Variants in SPATS2L observed in about 807,000 individuals in gnomAD.
SPATS2L encodes SPATS2-like protein.
In SPATS2L, 30 loss-of-function variants were observed where a neutral mutation model predicts 59.6. The observed-to-expected ratio is 0.50, with a 90% CI of 0.38 to 0.68. The LOEUF (loss-of-function observed/expected upper bound fraction) is 0.68, where lower values mean the gene tolerates loss of function less well. Ranked by LOEUF, SPATS2L falls within the 30% of genes least tolerant of loss-of-function variation. The pLI is 0.00. For synonymous variants in SPATS2L, 252 were observed against 263.5 expected (o/e 0.96, Z 0.42); for missense variants, 615 against 700.0 (o/e 0.88, Z 1.37).
intron 5 of SPATS2L, among the ~76,000 whole-genome samples, chr2:200,417,028 C>T (rs2083090645): frequency 6.6e-6 from 1 of 152,146 alleles, no homozygotes; most frequent in African/African-American, 2.4e-5. Context: ...GCTTTCTTGT[C>T]GAGTCACAAA....
intron 8 of SPATS2L, among the ~76,000 whole-genome samples, chr2:200,453,770 A>G (rs990474568): frequency 2.6e-5 from 4 of 152,186 alleles, no homozygotes; most frequent in Admixed American, 6.5e-5. Flanking sequence ...CCCACAGTGG[A>G]GGGAGATGTT....
At chr2:200,454,684 A>T (rs1007938777) in intron 8 of SPATS2L, among the ~76,000 whole-genome samples, 12 of 152,244 alleles carry the variant, frequency 7.9e-5, no homozygotes, top group Non-Finnish European at 4.4e-5. Context: ...CTATCCAGGC[A>T]GTTTGGCTAA....
In SPATS2L at chr2:200,377,322, A is replaced by G. The variant is rs571625488; in HGVS notation, c.-22-11901A>G. On this transcript the variant is annotated intron_variant, in intron 2 of 12. Coordinates refer to ENST00000409140, the MANE Select transcript of SPATS2L (RefSeq NM_001100423.2). Reference sequence around the variant, plus strand: ...GAACATAAGGAAGAATCTGTATTGCAGAAAATAGGCAGTGTTTACTCTGCG... The same window carrying G: ...GAACATAAGGAAGAATCTGTATTGCGGAAAATAGGCAGTGTTTACTCTGCG... Among the ~76,000 whole-genome samples the G allele has an allele frequency of 1.6e-4, 24 of 152,324 alleles. 1 individual carries two copies. The highest frequency in any genetic ancestry group is 6.8e-3 in the Middle Eastern group (2 of 294).
chr2:200,314,558 G>A (rs2079301811), intron 1 of SPATS2L, among the ~76,000 whole-genome samples: 1 of 152,168 alleles, frequency 6.6e-6, no homozygotes, highest in Non-Finnish European at 1.5e-5. Context: ...TAAAATGTAA[G>A]CTCCCTGGCA....
intron 2 of SPATS2L, among the ~76,000 whole-genome samples, chr2:200,359,147 T>C (rs1408217626): frequency 5.3e-5 from 8 of 152,246 alleles, no homozygotes; most frequent in Admixed American, 5.2e-4. Flanking sequence ...TAGGGTTGTT[T>C]AGTTTTTAAA....
At chr2:200,464,833 T>C (rs527983362) in intron 9 of SPATS2L, among the ~76,000 whole-genome samples, 2 of 152,240 alleles carry the variant, frequency 1.3e-5, no homozygotes, top group Non-Finnish European at 2.9e-5. Flanking sequence ...TCATTTCATC[T>C]TCCTACTTGA....
intron 2 of SPATS2L, chr2:200,351,080 G>A: frequency 2.7e-6 from 1 of 363,978 alleles, no homozygotes; most frequent in East Asian, 7.3e-5. Context: ...TAACCTCACA[G>A]CATGGTTCAC....
At chr2:200,307,713 C>A (rs1050161438) in intron 1 of SPATS2L, among the ~76,000 whole-genome samples, 1 of 152,228 alleles carries the variant, frequency 6.6e-6, no homozygotes, top group Non-Finnish European at 1.5e-5. Context: ...TCTTCACCTG[C>A]GCGGGGATGC....
At chr2:200,311,811 C>G (rs2079200128) in intron 1 of SPATS2L, among the ~76,000 whole-genome samples, 1 of 152,092 alleles carries the variant, frequency 6.6e-6, no homozygotes, top group Non-Finnish European at 1.5e-5. Context: ...TCTAGCAGAG[C>G]TCAGAAGGGA....
chr2:200,469,813 C>G, intron 10 of SPATS2L, 101 bp from the exon 11 acceptor site: 1 of 844,510 alleles, frequency 1.2e-6, no homozygotes, highest in Non-Finnish European at 1.9e-6. Context: ...ACCAGGTCAG[C>G]ACTGCAGTGG....
At chr2:200,311,091 G>A (rs1355396437) in intron 1 of SPATS2L, among the ~76,000 whole-genome samples, 3 of 152,186 alleles carry the variant, frequency 2.0e-5, no homozygotes, top group Non-Finnish European at 4.4e-5. Flanking sequence ...ATGAATAAAT[G>A]TAAGGATGAT....
At chr2:200,331,610 T>G (rs974119491) in intron 2 of SPATS2L, among the ~76,000 whole-genome samples, 1 of 152,068 alleles carries the variant, frequency 6.6e-6, no homozygotes, top group Admixed American at 6.6e-5. Context: ...CCTCAGCTAC[T>G]TAACAGCAGT....
At chr2:200,382,563 A>G (rs942299582) in intron 2 of SPATS2L, among the ~76,000 whole-genome samples, 11 of 152,144 alleles carry the variant, frequency 7.2e-5, no homozygotes, top group African/African-American at 2.7e-4. Flanking sequence ...TTTCATAGAC[A>G]GTGAGCCCTG....
At chr2:200,310,496 A>G (rs2079158244) in intron 1 of SPATS2L, among the ~76,000 whole-genome samples, 1 of 152,138 alleles carries the variant, frequency 6.6e-6, no homozygotes, top group Admixed American at 6.5e-5. Context: ...GTCTCTCTGT[A>G]ATTGAGTTTT....
chr2:200,406,256 T>C (rs1320844793), intron 3 of SPATS2L, among the ~76,000 whole-genome samples: 2 of 152,188 alleles, frequency 1.3e-5, no homozygotes, highest in Non-Finnish European at 2.9e-5. Flanking sequence ...TACATTCTAA[T>C]GGGACTTATA....
intron 6 of SPATS2L, among the ~76,000 whole-genome samples, chr2:200,430,082 A>T (rs969357241): frequency 6.6e-6 from 1 of 152,082 alleles, no homozygotes; most frequent in East Asian, 1.9e-4. Context: ...CACAGTTGCA[A>T]TCTTTCATTT....
intron 3 of SPATS2L, among the ~76,000 whole-genome samples, chr2:200,392,673 A>G (rs2082207332): frequency 6.6e-6 from 1 of 152,176 alleles, no homozygotes; most frequent in South Asian, 2.1e-4. Context: ...ATCCACAGAT[A>G]TGGAACCTGT....
chr2:200,419,255 TA>T lies in SPATS2L; in HGVS notation c.208del (p.Arg70GlufsTer39). ...WNMTGKKKNN[K>X]RKRSKSKQHQ... ...TCATTTGTTTCTCATTCTAGAACAA[TA>T]AAAGAAAAAGAAGCAAGTCCAAGCA... On this transcript the variant is annotated frameshift_variant, in exon 6 of 13. Transcript: ENST00000409140. LOFTEE classifies it high-confidence loss of function. 1 of 1,569,086 alleles carries T rather than the reference TA, an allele frequency of 6.4e-7. No individual in the cohort carries two copies.
At chr2:200,414,633 A>G (rs1271356023) in intron 4 of SPATS2L, among the ~76,000 whole-genome samples, 3 of 152,126 alleles carry the variant, frequency 2.0e-5, no homozygotes, top group African/African-American at 7.2e-5. Flanking sequence ...CCGTCTCCAA[A>G]AAGAAAAAAA....
Sources: gnomAD v4.1 joint callset for allele counts (sites outside exome capture counted in the v4.1 genomes callset) on GRCh38, gnomAD v4.1.1 for gene constraint, MANE v1.5 for transcripts, NCBI Gene and HGNC (gene_info 2026-07-23, HGNC 2026-07-21) for gene names.